The following SPDYE2 variants were observed in gnomAD, a reference collection of about 807,000 sequenced individuals.
SPDYE2 encodes the protein speedy protein E2.
For synonymous variants in SPDYE2, 2 were observed against 45.1 expected (o/e 0.04, Z 3.83); for missense variants, 1 against 121.0 (o/e 0.01, Z 4.65).
At chr7:102,555,697 T>G (rs1181876921) in intron 3 of SPDYE2, 1 of 569,368 alleles carries the variant, frequency 1.8e-6, no homozygotes, top group African/African-American at 2.6e-5. Context: ...GGAAGTGTTC[T>G]GAGGACAGAA....
Position 102,557,341 on chromosome 7 carries a change from T to TGTGTGTGTG in SPDYE2, c.669+119_669+120insGTGTGTGTG, listed in dbSNP as rs1171723315. 3.4e-5 allele frequency: 13 copies of TGTGTGTGTG among 387,542 alleles called. 1 individual carries two copies. The East Asian group carries it at 8.3e-4, about 25-fold the overall frequency. The allele number at this position is 387,542 out of a possible 1,614,324, so 24.0% of individuals were successfully genotyped here. A position where few individuals can be genotyped will look rare whatever the true frequency, so the allele number is the denominator to read the frequency against. ...CCACCAGATGCTCCTACAGTCTTTT[T>TGTGTGTGTG]TTTTTTTTTTTGTGTGTGTGTGTGT... is the stretch of plus-strand genomic sequence containing the variant. On this transcript the variant is annotated intron_variant, in intron 5 of 8. Coordinates refer to ENST00000507918, the Ensembl canonical transcript of SPDYE2.
chr7:102,551,238 G>C (rs1382101585), exon 1 of SPDYE2: 1 of 152,790 alleles, frequency 6.5e-6, no homozygotes, highest in Non-Finnish European at 1.5e-5. Context: ...CCTCAGCAGA[G>C]ACAGACCCCA....
At chr7:102,555,189 C>T (rs1586812218) in intron 3 of SPDYE2, among the ~76,000 whole-genome samples, 1 of 124,040 alleles carries the variant, frequency 8.1e-6, no homozygotes, top group Admixed American at 9.4e-5. Flanking sequence ...GCCAAGATAG[C>T]GCCACTGCAT....
chr7:102,554,781 A>T (rs1800718115), intron 3 of SPDYE2, among the ~76,000 whole-genome samples: 1 of 126,412 alleles, frequency 7.9e-6, no homozygotes, highest in African/African-American at 2.8e-5. Context: ...GGCGCTTGGG[A>T]TGAGAAAGCT....
intron 3 of SPDYE2, among the ~76,000 whole-genome samples, chr7:102,554,920 C>T (rs1314735594): frequency 1.6e-5 from 2 of 126,220 alleles, no homozygotes; most frequent in Non-Finnish European, 3.6e-5. Flanking sequence ...GCACTCCAGC[C>T]TGGGTGACAG....
intron 3 of SPDYE2, among the ~76,000 whole-genome samples, chr7:102,555,619 A>AACG (rs1460920997): frequency 2.5e-5 from 2 of 80,824 alleles, no homozygotes; most frequent in Non-Finnish European, 5.5e-5. Context: ...TCTCAACAAC[A>AACG]ACAACAACAA....
rs1247771866 is a variant in SPDYE2, at chr7:102,555,817, GGA to G, written c.380-79_380-78del. 14 of 465,394 alleles carry G rather than the reference GGA, an allele frequency of 3.0e-5. 3 individuals are homozygous for G. In the East Asian group the frequency reaches 5.6e-4, roughly 19 times the overall value. The allele number at this position is 465,394 out of a possible 1,614,324, so 28.8% of individuals were successfully genotyped here. ...AGCAGTCTGCGAGGCTGGGGAGGAT[GGA>G]GAGTGGTTTGGGGTTTTGGGTCGGG... On this transcript the variant is annotated intron_variant, in intron 3 of 8. Transcript: ENST00000507918.
chr7:102,555,439 C>CAAAG (rs1563695206), intron 3 of SPDYE2, among the ~76,000 whole-genome samples: 1 of 123,226 alleles, frequency 8.1e-6, no homozygotes, highest in African/African-American at 2.9e-5. Flanking sequence ...ATGGTGAAAC[C>CAAAG]CTGTCTCTTC....
exon 9 of SPDYE2, chr7:102,563,004 ATATT>A (rs1435465997): frequency 7.6e-4 from 113 of 148,028 alleles, no homozygotes; most frequent in East Asian, 1.4e-3. Flanking sequence ...ATTTATTTAA[ATATT>A]TATTAAATAT....
intron 3 of SPDYE2, among the ~76,000 whole-genome samples, chr7:102,555,395 T>C (rs1800759896): frequency 7.6e-6 from 1 of 131,016 alleles, no homozygotes; most frequent in Non-Finnish European, 1.7e-5. Flanking sequence ...GGCAGATCAC[T>C]TGAGGCCAGG....
At chr7:102,555,633 C>CG (rs1800771874) in intron 3 of SPDYE2, among the ~76,000 whole-genome samples, 1 of 39,070 alleles carries the variant, frequency 2.6e-5, no homozygotes, top group Non-Finnish European at 4.9e-5. Context: ...ACAACAACAA[C>CG]AAAAAAAAAA....
intron 3 of SPDYE2, among the ~76,000 whole-genome samples, chr7:102,554,904 A>C (rs1800726049): frequency 8.2e-6 from 1 of 122,544 alleles, no homozygotes; most frequent in African/African-American, 2.8e-5. Context: ...CTATGACTGC[A>C]CCACTGCACT....
chr7:102,563,793 A>C (rs1800961281), downstream of SPDYE2: 1 of 14,784 alleles, frequency 6.8e-5, no homozygotes. Context: ...TTTAATTTTT[A>C]TTTTTTAAAG....
At chr7:102,555,201 C>CCATT (rs1437754550) in intron 3 of SPDYE2, among the ~76,000 whole-genome samples, 1 of 118,512 alleles carries the variant, frequency 8.4e-6, no homozygotes, top group African/African-American at 3.0e-5. Context: ...CCACTGCATT[C>CCATT]CATTCTGGGT....
exon 9 of SPDYE2, chr7:102,563,164 CTTTT>C (rs1800941782): frequency 7.1e-6 from 1 of 141,082 alleles, no homozygotes; most frequent in Non-Finnish European, 1.5e-5. Context: ...TTTTGTTTTC[CTTTT>C]TAAGAGAGGA....
At chr7:102,555,206 C>T (rs1316619627) in intron 3 of SPDYE2, among the ~76,000 whole-genome samples, 1 of 111,472 alleles carries the variant, frequency 9.0e-6, no homozygotes, top group African/African-American at 3.3e-5. Context: ...GCATTCCATT[C>T]TGGGTGAGAG....
chr7:102,564,443 A>G (rs1456043672), downstream of SPDYE2: 1 of 146,420 alleles, frequency 6.8e-6, no homozygotes, highest in Non-Finnish European at 1.5e-5. Flanking sequence ...AAAAAAAAAA[A>G]GTTCGTTCCT....
chr7:102,553,217 C>T, exon 2 of SPDYE2: 1 of 12,742 alleles, frequency 7.8e-5, no homozygotes, highest in Non-Finnish European at 2.5e-4. Context: ...GAATTGATAA[C>T]ATACTCTTCT....
chr7:102,553,727 AAAAAG>A (rs1471323896), intron 2 of SPDYE2, among the ~76,000 whole-genome samples: 1 of 35,328 alleles, frequency 2.8e-5, no homozygotes, highest in Admixed American at 3.7e-4. Context: ...TGCACTCCAA[AAAAAG>A]AAAAAAAAGA....
Sources: gnomAD v4.1 joint callset for allele counts (sites outside exome capture counted in the v4.1 genomes callset) on GRCh38, gnomAD v4.1.1 for gene constraint, MANE v1.5 for transcripts, NCBI Gene and HGNC (gene_info 2026-07-23, HGNC 2026-07-21) for gene names.